EPB41: variants seen among roughly 807,000 people sequenced by gnomAD.
The protein encoded by EPB41 is protein 4.1.
EPB41 carries 65 observed loss-of-function variants against 108.0 expected under a neutral mutation model. The observed-to-expected ratio is 0.60, with a 90% CI of 0.49 to 0.74. The LOEUF (loss-of-function observed/expected upper bound fraction) is 0.74, where lower values mean the gene tolerates loss of function less well. Ranked by LOEUF, EPB41 falls within the 30% of genes least tolerant of loss-of-function variation. EPB41 has a pLI of 0.00. For synonymous variants in EPB41, 336 were observed against 358.9 expected (o/e 0.94, Z 0.72); for missense variants, 875 against 1,037.0 (o/e 0.84, Z 2.15).
chr1:28,888,543 G>A (rs74982381), intron 1 of EPB41, among the ~76,000 whole-genome samples: 3,691 of 152,370 alleles, frequency 0.024, 146 homozygotes, highest in African/African-American at 0.084. Context: ...TCCCTGCCTT[G>A]AAGGCTCTCC....
At chr1:28,981,210 T>G (rs945545352) in intron 1 of EPB41, among the ~76,000 whole-genome samples, 7 of 152,234 alleles carry the variant, frequency 4.6e-5, no homozygotes, top group African/African-American at 1.7e-4. Context: ...CAGTATTGTT[T>G]CCACCAAATT....
chr1:29,105,947 A>G (rs1371556528), intron 17 of EPB41, among the ~76,000 whole-genome samples: 2 of 151,848 alleles, frequency 1.3e-5, no homozygotes, highest in Non-Finnish European at 2.9e-5. Context: ...ATAGGGTTTC[A>G]TGATGTCGGC....
At chr1:28,969,726 C>T (rs368723988) in intron 1 of EPB41, among the ~76,000 whole-genome samples, 11 of 151,870 alleles carry the variant, frequency 7.2e-5, no homozygotes, top group East Asian at 1.9e-4. Context: ...GGTGAAACTC[C>T]GTCTCTACTA....
At chr1:29,083,624 AT>A (rs998455053) in intron 16 of EPB41, among the ~76,000 whole-genome samples, 3 of 152,222 alleles carry the variant, frequency 2.0e-5, no homozygotes, top group Non-Finnish European at 4.4e-5. Flanking sequence ...ATTTAAAAGC[AT>A]TTGTTTTAAC....
chr1:28,985,115 C>T (rs1193054953), intron 1 of EPB41, among the ~76,000 whole-genome samples: 1 of 152,060 alleles, frequency 6.6e-6, no homozygotes, highest in Non-Finnish European at 1.5e-5. Context: ...AAGCGCCTGC[C>T]ACCATGCCCG....
intron 7 of EPB41, among the ~76,000 whole-genome samples, chr1:29,023,453 C>T (rs2096672866): frequency 6.6e-6 from 1 of 151,516 alleles, no homozygotes; most frequent in Non-Finnish European, 1.5e-5. Context: ...TTTGGGGGGC[C>T]AAGGCAGCCA....
intron 7 of EPB41, among the ~76,000 whole-genome samples, chr1:29,026,270 A>G (rs952338586): frequency 3.3e-5 from 5 of 152,232 alleles, no homozygotes; most frequent in Non-Finnish European, 7.3e-5. Flanking sequence ...CACTGTCAGT[A>G]AAGTGAGACA....
At chr1:29,112,258 C>A in intron 18 of EPB41, 110 bp from the exon 19 acceptor site, 1 of 886,822 alleles carries the variant, frequency 1.1e-6, no homozygotes, top group Non-Finnish European at 1.8e-6. Flanking sequence ...ATCTCAGCCT[C>A]CCAAAGTGTT....
intron 1 of EPB41, among the ~76,000 whole-genome samples, chr1:28,907,676 G>GA (rs1247669825): frequency 6.6e-6 from 1 of 151,762 alleles, no homozygotes; most frequent in African/African-American, 2.4e-5. Flanking sequence ...GTGGTAGTGC[G>GA]ATCATGGCTC....
chr1:29,040,612 C>T (rs1641128881), intron 11 of EPB41, among the ~76,000 whole-genome samples: 1 of 151,978 alleles, frequency 6.6e-6, no homozygotes. Context: ...AAGTTTGCCA[C>T]GTGGCAATTA....
chr1:28,953,614 T>C (rs1380448870), intron 1 of EPB41, among the ~76,000 whole-genome samples: 1 of 152,246 alleles, frequency 6.6e-6, no homozygotes, highest in Non-Finnish European at 1.5e-5. Context: ...CATGCATGCA[T>C]GCCTGATCCA....
At chr1:28,985,231 T>G (rs1247177221) in intron 1 of EPB41, among the ~76,000 whole-genome samples, 3 of 152,160 alleles carry the variant, frequency 2.0e-5, no homozygotes, top group African/African-American at 4.8e-5. Flanking sequence ...CCCAAAGTGC[T>G]GGGATTACAG....
intron 1 of EPB41, among the ~76,000 whole-genome samples, chr1:28,890,466 G>A (rs750667871): frequency 3.3e-5 from 5 of 152,104 alleles, no homozygotes; most frequent in East Asian, 1.9e-4. Flanking sequence ...AAGTCTCTAC[G>A]GGTCTTCCAG....
chr1:28,983,338 T>G (rs1415716915), intron 1 of EPB41, among the ~76,000 whole-genome samples: 1 of 152,218 alleles, frequency 6.6e-6, no homozygotes, highest in East Asian at 1.9e-4. Flanking sequence ...AAAAGCAGCT[T>G]TTTATAGTCT....
chr1:28,994,119 A>G (rs985016870), intron 3 of EPB41, among the ~76,000 whole-genome samples: 1 of 152,144 alleles, frequency 6.6e-6, no homozygotes, highest in East Asian at 1.9e-4. Flanking sequence ...GAAAAATATC[A>G]GAGTTATTCA....
chr1:28,957,385 A>T (rs2094999292), intron 1 of EPB41, among the ~76,000 whole-genome samples: 1 of 152,254 alleles, frequency 6.6e-6, no homozygotes, highest in Non-Finnish European at 1.5e-5. Flanking sequence ...AAGAATGTTC[A>T]ATCTGCCTGA....
chr1:29,046,386 C>T (rs1447164378), intron 11 of EPB41, among the ~76,000 whole-genome samples: 1 of 152,100 alleles, frequency 6.6e-6, no homozygotes, highest in Non-Finnish European at 1.5e-5. Flanking sequence ...CTCGGCCTCC[C>T]AAAGTGCTGG....
chr1:28,900,698 G>A (rs1040164596), intron 1 of EPB41, among the ~76,000 whole-genome samples: 1 of 152,046 alleles, frequency 6.6e-6, no homozygotes, highest in South Asian at 2.1e-4. Flanking sequence ...GGGTTTAAGT[G>A]CACTAGTCTG....
chr1:28,970,474 A>G lies in EPB41; in HGVS notation c.-7-16957A>G, dbSNP rs150255056. Among the ~76,000 whole-genome samples, 582 of 152,352 alleles carry G rather than the reference A, an allele frequency of 3.8e-3. 2 individuals are homozygous for G. The highest frequency in any genetic ancestry group is 0.017 in the Middle Eastern group (5 of 294). On this transcript the variant is annotated intron_variant, in intron 1 of 20. Transcript: ENST00000343067. Reference sequence around the variant, plus strand: ...TCTTAACTAAAACCCCTTTGTAGCTAGAAATCTTCAGGCTTTGTTTATATT... The same window carrying G: ...TCTTAACTAAAACCCCTTTGTAGCTGGAAATCTTCAGGCTTTGTTTATATT...
Sources: allele counts gnomAD v4.1 joint callset (sites outside exome capture counted in the v4.1 genomes callset), GRCh38; gene constraint gnomAD v4.1.1; transcripts MANE v1.5; gene names NCBI Gene and HGNC (gene_info 2026-07-23, HGNC 2026-07-21).